The following TJP1 variants were observed in gnomAD, a reference collection of about 807,000 sequenced individuals.
TJP1 encodes tight junction protein ZO-1.
A neutral mutation model predicts 194.2 loss-of-function variants in TJP1; 43 were observed. The ratio of observed to expected loss-of-function variants is 0.22; its 90% CI spans 0.17 to 0.29. The LOEUF is 0.29. Among genes scored for constraint, TJP1 ranks in the 10% least tolerant of loss-of-function variants. The pLI, the probability that TJP1 is intolerant of heterozygous loss-of-function variation, is 1.00. For missense variants in TJP1, 1,971 were observed against 2,185.7 expected (o/e 0.90, Z 1.96); for synonymous variants, 801 against 779.0 (o/e 1.03, Z -0.47).
Position 29,700,193 on chromosome 15 carries a change from G to A in TJP1, c.*1402C>T, listed in dbSNP as rs1041063742. The A allele has an allele frequency of 1.8e-5, 7 of 398,766 alleles. No individual in the cohort carries two copies. The highest frequency in any genetic ancestry group is 3.1e-5 in the Non-Finnish European group (7 of 226,014). The allele number at this position is 398,766 out of a possible 1,614,324, so 24.7% of individuals were successfully genotyped here. ...TTATTTTGGAGATTTAGAAATTTGA[G>A]ATTTTTAATAACGGCAAAAGAAATT... On this transcript the variant is annotated 3_prime_UTR_variant, in exon 28 of 28. Transcript: ENST00000614355.
At chr15:29,933,162 A>G (rs2054775635) in intron 2 of TJP1, among the ~76,000 whole-genome samples, 1 of 152,132 alleles carries the variant, frequency 6.6e-6, no homozygotes, top group Admixed American at 6.6e-5. Context: ...ACATAGATGC[A>G]CAACAAGCTG....
intron 2 of TJP1, among the ~76,000 whole-genome samples, chr15:29,785,400 C>T (rs2047638565): frequency 6.6e-6 from 1 of 152,182 alleles, no homozygotes; most frequent in Admixed American, 6.5e-5. Flanking sequence ...ACAGTTCCAA[C>T]AGGGACCTTG....
upstream of TJP1, chr15:29,823,460 C>T (rs934333853): frequency 6.6e-6 from 1 of 152,208 alleles, no homozygotes; most frequent in Non-Finnish European, 1.5e-5. Flanking sequence ...TCAATGATAA[C>T]ATCTTTAAAG....
At chr15:29,965,853 T>C (rs749857068) in intron 1 of TJP1, among the ~76,000 whole-genome samples, 1 of 152,204 alleles carries the variant, frequency 6.6e-6, no homozygotes, top group Non-Finnish European at 1.5e-5. Flanking sequence ...TTTGCCGCTG[T>C]AGAATCAGAT....
chr15:29,707,503 T>C (rs1171793558), intron 25 of TJP1, among the ~76,000 whole-genome samples: 1 of 152,146 alleles, frequency 6.6e-6, no homozygotes, highest in Non-Finnish European at 1.5e-5. Flanking sequence ...GCCATAACCA[T>C]CCTTTCTCTT....
intron 2 of TJP1, among the ~76,000 whole-genome samples, chr15:29,953,140 A>ATT (rs71416442): frequency 0.026 from 2,859 of 110,964 alleles, 165 homozygotes; most frequent in African/African-American, 0.074. Flanking sequence ...AAGAAGACAG[A>ATT]TTTTTTTTTT....
intron 1 of TJP1, among the ~76,000 whole-genome samples, chr15:29,821,063 GA>G (rs1434857225): frequency 6.6e-6 from 1 of 152,164 alleles, no homozygotes; most frequent in East Asian, 1.9e-4. Context: ...TTAAAGGGGA[GA>G]TTTTTTACTC....
chr15:29,933,763 G>A (rs2054796057), intron 2 of TJP1, among the ~76,000 whole-genome samples: 3 of 152,144 alleles, frequency 2.0e-5, no homozygotes, highest in African/African-American at 7.2e-5. Flanking sequence ...TAAAGATGCT[G>A]GGAAGAGAGA....
At chr15:29,713,720 A>T (rs973077819) in intron 23 of TJP1, among the ~76,000 whole-genome samples, 4 of 152,230 alleles carry the variant, frequency 2.6e-5, no homozygotes, top group African/African-American at 4.8e-5. Flanking sequence ...TTACAGAAAC[A>T]ACTACCCTCT....
chr15:29,716,537 T>C, intron 23 of TJP1, 74 bp downstream of exon 23: 1 of 1,121,282 alleles, frequency 8.9e-7, no homozygotes, highest in South Asian at 1.5e-5. Context: ...AAATTATTTT[T>C]CTTCAAAATA....
chr15:29,887,147 G>A (rs543776635), intron 2 of TJP1, among the ~76,000 whole-genome samples: 3 of 151,746 alleles, frequency 2.0e-5, no homozygotes, highest in Admixed American at 6.6e-5. Context: ...TAACAATTCA[G>A]ACCAAAAACA....
intron 11 of TJP1, among the ~76,000 whole-genome samples, chr15:29,735,877 T>G (rs555181261): frequency 6.6e-6 from 1 of 152,218 alleles, no homozygotes; most frequent in Non-Finnish European, 1.5e-5. Context: ...GAGGATTCAA[T>G]GAGAAAATGA....
At chr15:29,968,518 C>T (rs1362582411) in intron 1 of TJP1, 1 of 810,582 alleles carries the variant, frequency 1.2e-6, no homozygotes, top group East Asian at 1.3e-4. Context: ...CTGCGCCCCG[C>T]GCGGCGCGCC....
intron 1 of TJP1, among the ~76,000 whole-genome samples, chr15:29,810,752 A>G (rs1351318754): frequency 6.6e-6 from 1 of 152,178 alleles, no homozygotes; most frequent in Non-Finnish European, 1.5e-5. Context: ...CCTTGAGGAG[A>G]AGAGACAGCT....
chr15:29,855,129 G>C (rs1347724421), intron 2 of TJP1, among the ~76,000 whole-genome samples: 1 of 151,944 alleles, frequency 6.6e-6, no homozygotes, highest in Non-Finnish European at 1.5e-5. Flanking sequence ...ATGAAACATA[G>C]TTTCAAGAAG....
chr15:29,920,977 T>A (rs1357339908), intron 2 of TJP1, among the ~76,000 whole-genome samples: 1 of 152,148 alleles, frequency 6.6e-6, no homozygotes, highest in African/African-American at 2.4e-5. Context: ...AATGGACAGA[T>A]GGATGGATCG....
intron 5 of TJP1, 79 bp downstream of exon 5, chr15:29,766,187 G>A: frequency 6.6e-7 from 1 of 1,517,296 alleles, no homozygotes; most frequent in Non-Finnish European, 8.9e-7. Context: ...AAGACATGAA[G>A]AGACAGCAAC....
intron 1 of TJP1, among the ~76,000 whole-genome samples, 159 bp downstream of exon 1, chr15:29,821,843 C>G (rs2050387060): frequency 7.7e-6 from 1 of 130,584 alleles, no homozygotes; most frequent in African/African-American, 2.6e-5. Context: ...CCCCGCGGCC[C>G]GCGGCCCGCG....
intron 27 of TJP1, among the ~76,000 whole-genome samples, chr15:29,702,456 G>C (rs1277860812): frequency 1.3e-5 from 2 of 152,216 alleles, no homozygotes; most frequent in Non-Finnish European, 2.9e-5. Context: ...AGCAAGCTGA[G>C]AGTCACAGCT....
Sources: gnomAD v4.1 joint callset for allele counts (sites outside exome capture counted in the v4.1 genomes callset) on GRCh38, gnomAD v4.1.1 for gene constraint, MANE v1.5 for transcripts, NCBI Gene and HGNC (gene_info 2026-07-23, HGNC 2026-07-21) for gene names.